UBASH3B: variants seen among roughly 807,000 people sequenced by gnomAD.
The protein encoded by UBASH3B is ubiquitin associated and SH3 domain containing B, also known as ubiquitin-associated and SH3 domain-containing protein B.
In UBASH3B, 37 loss-of-function variants were observed where a neutral mutation model predicts 83.4. That is an observed-to-expected ratio of 0.44 (90% CI 0.34 to 0.58). UBASH3B has a LOEUF of 0.58. Ranked by LOEUF, UBASH3B falls within the 20% of genes least tolerant of loss-of-function variation. The pLI, the probability that UBASH3B is intolerant of heterozygous loss-of-function variation, is 0.01. For missense variants in UBASH3B, 657 were observed against 827.2 expected (o/e 0.79, Z 2.52); for synonymous variants, 304 against 318.3 (o/e 0.96, Z 0.48).
intron 1 of UBASH3B, among the ~76,000 whole-genome samples, chr11:122,713,613 T>G (rs1864228805): frequency 6.6e-6 from 1 of 152,114 alleles, no homozygotes; most frequent in South Asian, 2.1e-4. Context: ...ATGGCCAAAT[T>G]CTTGGTAAGA....
chr11:122,694,959 T>C lies in UBASH3B; in HGVS notation c.161+38749T>C, dbSNP rs1239247476. On this transcript the variant is annotated intron_variant, in intron 1 of 13. Coordinates refer to ENST00000284273, the MANE Select transcript of UBASH3B (RefSeq NM_032873.5). ...ATTTTTCTTTTCTTTTCTTTCTTTT[T>C]TTTTTTTTTTTTTTTTTTTTTTGAG... Among the ~76,000 whole-genome samples the C allele has an allele frequency of 3.5e-3, 402 of 116,202 alleles. 8 individuals carry two copies. The highest frequency in any genetic ancestry group is 0.012 in the African/African-American group (360 of 31,120). 76.2% of individuals were successfully genotyped at this position (116,202 alleles called of 152,430 possible). A position where few individuals can be genotyped will look rare whatever the true frequency, so the allele number is the denominator to read the frequency against.
chr11:122,810,959 T>C lies in UBASH3B; in HGVS notation c.*1073T>C, dbSNP rs1278326667. On this transcript the variant is annotated 3_prime_UTR_variant, in exon 14 of 14. Transcript: ENST00000284273. ...CATCAATTATACCAGGGATGTATAG[T>C]AAGTCAGGGAACTAATATAAATGAT... The C allele has an allele frequency of 1.3e-5, 2 of 152,258 alleles. No homozygotes were observed. Among genetic ancestry groups the C allele is most frequent in the African/African-American group, 4.8e-5 (2 of 41,468 alleles). 9.4% of individuals were successfully genotyped at this position (152,258 alleles called of 1,614,324 possible). A position where few individuals can be genotyped will look rare whatever the true frequency, so the allele number is the denominator to read the frequency against.
Position 122,656,029 on chromosome 11 carries a change from G to A in UBASH3B, c.-21G>A. The A allele has an allele frequency of 6.4e-7, 1 of 1,560,466 alleles. No individual in the cohort carries two copies. The highest frequency in any genetic ancestry group is 8.7e-7 in the Non-Finnish European group (1 of 1,154,516). On this transcript the variant is annotated 5_prime_UTR_variant, in exon 1 of 14. Transcript: ENST00000284273. ...CCATCCGGCTCGGGCTCCTTCCCTGGCGATGGCTGGCCGCTGAGCCATGGC... is the reference window on the plus strand; with the variant it reads ...CCATCCGGCTCGGGCTCCTTCCCTGACGATGGCTGGCCGCTGAGCCATGGC...
intron 9 of UBASH3B, among the ~76,000 whole-genome samples, chr11:122,797,673 T>C (rs1861179615): frequency 1.3e-5 from 2 of 152,182 alleles, no homozygotes; most frequent in African/African-American, 2.4e-5. Context: ...TGCATAGAGC[T>C]ATGCATGGTC....
intron 6 of UBASH3B, among the ~76,000 whole-genome samples, chr11:122,794,254 G>A (rs112596031): frequency 6.6e-6 from 1 of 152,068 alleles, no homozygotes; most frequent in African/African-American, 2.4e-5. Context: ...CGCCCGGGCT[G>A]GAGTGCAGTG....
chr11:122,783,027 A>G, intron 4 of UBASH3B, 26 bp from the exon 5 acceptor site: 1 of 1,604,546 alleles, frequency 6.2e-7, no homozygotes, highest in Non-Finnish European at 8.5e-7. Flanking sequence ...CCTTTTAATT[A>G]CTGACCTTTT....
At chr11:122,718,038 T>TA (rs1168293175) in intron 1 of UBASH3B, among the ~76,000 whole-genome samples, 4 of 152,076 alleles carry the variant, frequency 2.6e-5, no homozygotes, top group Non-Finnish European at 5.9e-5. Context: ...TTTCCTGCCT[T>TA]AGTCTCCCAA....
At chr11:122,683,459 A>G (rs1048727033) in intron 1 of UBASH3B, among the ~76,000 whole-genome samples, 2 of 151,864 alleles carry the variant, frequency 1.3e-5, no homozygotes, top group East Asian at 1.9e-4. Context: ...TACTGAAAAT[A>G]CAAAAATTAG....
In UBASH3B at chr11:122,806,938, G is replaced by A. The variant is rs1316109433; in HGVS notation, c.1702+422G>A. Among the ~76,000 whole-genome samples, 1 of 152,126 alleles carries A rather than the reference G, an allele frequency of 6.6e-6. No individual in the cohort carries two copies. Among genetic ancestry groups the A allele is most frequent in the Non-Finnish European group, 1.5e-5 (1 of 68,042 alleles). On this transcript the variant is annotated intron_variant, in intron 12 of 13. Coordinates refer to ENST00000284273, the MANE Select transcript of UBASH3B (RefSeq NM_032873.5). The surrounding 1 kb of genome is among the most constrained non-coding windows in gnomAD (Gnocchi z 4.0). Reference sequence around the variant, plus strand: ...GAGCAGTGTTGTATAAGGCTCAAGTGTGTTTGCTATTGAATTTTCTAAACA... The same window carrying A: ...GAGCAGTGTTGTATAAGGCTCAAGTATGTTTGCTATTGAATTTTCTAAACA...
intron 1 of UBASH3B, among the ~76,000 whole-genome samples, chr11:122,660,540 G>A (rs771287827): frequency 2.0e-5 from 3 of 152,134 alleles, no homozygotes; most frequent in Non-Finnish European, 2.9e-5. Context: ...GCCTAACACC[G>A]GAGAAGATGG....
chr11:122,802,996 G>A (rs11218823), intron 11 of UBASH3B, among the ~76,000 whole-genome samples: 8,831 of 152,088 alleles, frequency 0.058, 626 homozygotes, highest in East Asian at 0.3. Context: ...CCTTACAAAG[G>A]TCTCCAGAAT....
chr11:122,742,141 G>C (rs906058475), intron 1 of UBASH3B, among the ~76,000 whole-genome samples: 7 of 152,218 alleles, frequency 4.6e-5, no homozygotes, highest in African/African-American at 1.7e-4. Flanking sequence ...TTCCTCACTT[G>C]TCAGTCAGCG....
intron 11 of UBASH3B, among the ~76,000 whole-genome samples, chr11:122,802,795 A>T (rs903827093): frequency 6.6e-6 from 1 of 152,158 alleles, no homozygotes; most frequent in Non-Finnish European, 1.5e-5. Context: ...TGTTCTTTGC[A>T]GGGAATTAGC....
chr11:122,687,279 A>C (rs762816921), intron 1 of UBASH3B, among the ~76,000 whole-genome samples: 45 of 152,208 alleles, frequency 3.0e-4, no homozygotes, highest in Non-Finnish European at 4.4e-4. Flanking sequence ...ATCATGGTAG[A>C]CACTTTAGCA....
In UBASH3B at chr11:122,759,864, G is replaced by A. The variant is rs191106896; in HGVS notation, c.162-16355G>A. Among the ~76,000 whole-genome samples, 41 of 152,302 alleles carry A rather than the reference G, an allele frequency of 2.7e-4. No individual in the cohort carries two copies. Among genetic ancestry groups the A allele is most frequent in the African/African-American group, 9.1e-4 (38 of 41,562 alleles). On this transcript the variant is annotated intron_variant, in intron 1 of 13. Transcript: ENST00000284273. The surrounding 1 kb of genome is among the most constrained non-coding windows in gnomAD (Gnocchi z 4.1). ...GGTTGGAGACACCTGACTTAGATGTGTCTTATGTGTGTCATAATGGAATAG... is the reference window on the plus strand; with the variant it reads ...GGTTGGAGACACCTGACTTAGATGTATCTTATGTGTGTCATAATGGAATAG...
At chr11:122,751,114 C>CTCGT (rs1555142974) in intron 1 of UBASH3B, among the ~76,000 whole-genome samples, 37 of 151,654 alleles carry the variant, frequency 2.4e-4, no homozygotes, top group African/African-American at 9.0e-4. Flanking sequence ...TTCCCGGCCT[C>CTCGT]TCATGTTTTG....
chr11:122,783,286 G>T, intron 5 of UBASH3B, 64 bp downstream of exon 5: 6 of 1,562,998 alleles, frequency 3.8e-6, no homozygotes, highest in Non-Finnish European at 5.2e-6. Flanking sequence ...TCAGCAGCTC[G>T]CTGCTGCAGG....
intron 1 of UBASH3B, among the ~76,000 whole-genome samples, chr11:122,729,044 A>T (rs2135951001): frequency 6.6e-6 from 1 of 152,278 alleles, no homozygotes; most frequent in East Asian, 1.9e-4. Context: ...TTTAACTAGA[A>T]AGATCAAATC....
chr11:122,742,609 C>T (rs531452990), intron 1 of UBASH3B, among the ~76,000 whole-genome samples: 11 of 152,286 alleles, frequency 7.2e-5, no homozygotes, highest in Admixed American at 5.2e-4. Flanking sequence ...TTTGGGAGGG[C>T]GGCCTGCCGA....
Sources: gnomAD v4.1 joint callset for allele counts (sites outside exome capture counted in the v4.1 genomes callset) on GRCh38, gnomAD v4.1.1 for gene constraint, Gnocchi (gnomAD v3.1) non-coding constraint, MANE v1.5 for transcripts, NCBI Gene and HGNC (gene_info 2026-07-23, HGNC 2026-07-21) for gene names.